The following PID1 variants were observed in gnomAD, a reference collection of about 807,000 sequenced individuals.
The protein encoded by PID1 is phosphotyrosine interaction domain containing 1, also known as PTB-containing, cubilin and LRP1-interacting protein.
PID1 carries 10 observed loss-of-function variants against 19.1 expected under a neutral mutation model. The ratio of observed to expected loss-of-function variants is 0.52; its 90% CI spans 0.32 to 0.89. The LOEUF is 0.89. Ranked by LOEUF, PID1 falls within the 40% of genes least tolerant of loss-of-function variation. The pLI is 0.03. For missense variants in PID1, 248 were observed against 285.3 expected, an observed-to-expected ratio of 0.87 and a Z score of 0.94; for synonymous variants, 130 against 116.0, an observed-to-expected ratio of 1.12 and a Z score of -0.78.
chr2:229,068,617 C>T (rs1310987654), intron 2 of PID1, among the ~76,000 whole-genome samples: 1 of 152,082 alleles, frequency 6.6e-6, no homozygotes, highest in Non-Finnish European at 1.5e-5. Context: ...AGTTGGAGAG[C>T]CTTCTGACTT....
chr2:229,094,778 T>A (rs1694941996), intron 2 of PID1, among the ~76,000 whole-genome samples: 1 of 151,848 alleles, frequency 6.6e-6, no homozygotes, highest in African/African-American at 2.4e-5. Flanking sequence ...TATACAAAAA[T>A]TCCTAAAATA....
At chr2:229,169,879 G>T (rs897727627) in intron 1 of PID1, among the ~76,000 whole-genome samples, 14 of 152,140 alleles carry the variant, frequency 9.2e-5, no homozygotes, top group African/African-American at 3.4e-4. Context: ...TTATTTCACA[G>T]ATGAAGAAAC....
At chr2:229,172,342 T>C (rs777856529) in intron 1 of PID1, among the ~76,000 whole-genome samples, 16 of 152,146 alleles carry the variant, frequency 1.1e-4, no homozygotes, top group African/African-American at 1.7e-4. Context: ...ACAACAGAGT[T>C]ATTGTCTAAC....
chr2:229,135,650 T>C (rs1324286116), intron 2 of PID1, among the ~76,000 whole-genome samples: 1 of 152,176 alleles, frequency 6.6e-6, no homozygotes, highest in East Asian at 1.9e-4. Context: ...AAAACCACTG[T>C]TCAGTACATC....
Position 229,075,408 on chromosome 2 carries a change from A to G in PID1, c.178-49300T>C, listed in dbSNP as rs558944227. Among the ~76,000 whole-genome samples, 4 of 152,326 alleles carry G rather than the reference A, an allele frequency of 2.6e-5. No individual in the cohort carries two copies. The South Asian group carries it at 8.3e-4, about 32-fold the overall frequency. ...GCAGTCACTTTCATATTTTTCACAA[A>G]AGCCTGGCCCATCTGTCATGCCCAC... is the stretch of plus-strand genomic sequence containing the variant. On this transcript the variant is annotated intron_variant, in intron 2 of 2. Transcript: ENST00000392055.
rs1287964613 is a variant in PID1, at chr2:229,026,038, A to G, written c.248T>C (p.Ile83Thr). Residue 83 changes from isoleucine to threonine, a missense_variant, in exon 3 of 3, where the codon ATT (isoleucine) becomes ACT (threonine). Transcript: ENST00000392055. ...TAGCGTGTGCTTCTTCCAGAGCTCAATGACTGGCTTTTCTGTGCAGCCTGA... is the reference window on the plus strand; with the variant it reads ...TAGCGTGTGCTTCTTCCAGAGCTCAGTGACTGGCTTTTCTGTGCAGCCTGA... ...FLSGCTEKPVIELWKKHTLAR... is the reference protein window; with the variant it reads ...FLSGCTEKPVTELWKKHTLAR... 4.3e-6 allele frequency: 7 copies of G among 1,614,228 alleles called. No homozygotes were observed. The highest frequency in any genetic ancestry group is 2.2e-5 in the East Asian group (1 of 44,882).
rs563922098 is a variant in PID1 at position 229,129,181 on chromosome 2, A to G, written c.177+26637T>C. Reference sequence around the variant, plus strand: ...AGCCCCGCTGTCTCCAAAGCCTACCACACTTGTGCTAGTTTCCCACCAGGC... The same window carrying G: ...AGCCCCGCTGTCTCCAAAGCCTACCGCACTTGTGCTAGTTTCCCACCAGGC... On this transcript the variant is annotated intron_variant, in intron 2 of 2. Transcript: ENST00000392055. 1.2e-4 allele frequency among the ~76,000 whole-genome samples: 19 copies of G among 152,188 alleles called. 1 individual carries two copies. Among genetic ancestry groups the G allele is most frequent in the Non-Finnish European group, 2.6e-4 (18 of 68,034 alleles).
At chr2:229,145,153 G>GTA (rs1231692175) in intron 2 of PID1, among the ~76,000 whole-genome samples, 2 of 78,114 alleles carry the variant, frequency 2.6e-5, no homozygotes, top group Non-Finnish European at 2.5e-5. Context: ...ATATATGTAT[G>GTA]TGTATATATA....
intron 2 of PID1, among the ~76,000 whole-genome samples, chr2:229,125,280 A>G (rs1195755297): frequency 6.6e-6 from 1 of 152,146 alleles, no homozygotes. Flanking sequence ...AATGACATGA[A>G]TCAGAGCCCT....
intron 2 of PID1, among the ~76,000 whole-genome samples, chr2:229,070,973 T>G (rs1195881208): frequency 6.6e-6 from 1 of 152,212 alleles, no homozygotes; most frequent in African/African-American, 2.4e-5. Flanking sequence ...CACTAGTACA[T>G]GCTTCACATG....
At chr2:229,098,547 C>T (rs1274053554) in intron 2 of PID1, among the ~76,000 whole-genome samples, 1 of 152,098 alleles carries the variant, frequency 6.6e-6, no homozygotes. Flanking sequence ...GAAACATAGT[C>T]TTTATGTTTA....
intron 1 of PID1, among the ~76,000 whole-genome samples, chr2:229,237,676 T>C (rs1338898445): frequency 6.6e-6 from 1 of 152,154 alleles, no homozygotes; most frequent in East Asian, 1.9e-4. Context: ...TATCCTAACA[T>C]AAATAAGAAA....
intron 1 of PID1, among the ~76,000 whole-genome samples, chr2:229,201,744 C>T (rs950705732): frequency 6.6e-6 from 1 of 152,130 alleles, no homozygotes; most frequent in Admixed American, 6.6e-5. Flanking sequence ...TTCCCACCAA[C>T]AGTGCATCAG....
chr2:229,202,126 T>C lies in PID1; in HGVS notation c.31-46162A>G, dbSNP rs560443263. ...AAACTCTCACAATTCTGGGAATCAA[T>C]TGTCAAACATTTCTTAAAGAGAAAA... On this transcript the variant is annotated intron_variant, in intron 1 of 2. Coordinates refer to ENST00000392055, the MANE Select transcript of PID1 (RefSeq NM_001100818.2). Among the ~76,000 whole-genome samples, 17 of 152,178 alleles carry C rather than the reference T, an allele frequency of 1.1e-4. No individual in the cohort carries two copies. The South Asian group carries it at 1.4e-3, about 13-fold the overall frequency.
rs115437211 is a variant in PID1, at chr2:229,212,877, C to T, written c.31-56913G>A. Among the ~76,000 whole-genome samples, 429 of 152,130 alleles carry T rather than the reference C, an allele frequency of 2.8e-3. 3 individuals carry two copies. Among genetic ancestry groups the T allele is most frequent in the African/African-American group, 9.9e-3 (409 of 41,486 alleles). Reference sequence around the variant, plus strand: ...ATTCCAGCCATTCTCCTGTCCCACACGTCCCGGCTGACCCACCTGAAGTGC... The same window carrying T: ...ATTCCAGCCATTCTCCTGTCCCACATGTCCCGGCTGACCCACCTGAAGTGC... On this transcript the variant is annotated intron_variant, in intron 1 of 2. Coordinates refer to ENST00000392055, the MANE Select transcript of PID1 (RefSeq NM_001100818.2).
intron 2 of PID1, among the ~76,000 whole-genome samples, chr2:229,154,709 A>G (rs1330587467): frequency 2.0e-5 from 3 of 152,260 alleles, no homozygotes; most frequent in Non-Finnish European, 4.4e-5. Flanking sequence ...CTCGAAAGCA[A>G]TAAGGAAAGC....
chr2:229,231,832 CT>C, intron 1 of PID1: 2 of 1,532,366 alleles, frequency 1.3e-6, no homozygotes, highest in Non-Finnish European at 1.8e-6. Context: ...CACTCCTCTT[CT>C]TTTACCTCCT....
intron 1 of PID1, among the ~76,000 whole-genome samples, chr2:229,161,821 G>T (rs1465454975): frequency 6.6e-6 from 1 of 152,208 alleles, no homozygotes; most frequent in African/African-American, 2.4e-5. Flanking sequence ...AGTCCTATAT[G>T]CCATACCCAG....
chr2:229,026,559 G>T (rs908476983), intron 2 of PID1, among the ~76,000 whole-genome samples: 2 of 152,178 alleles, frequency 1.3e-5, no homozygotes, highest in Non-Finnish European at 2.9e-5. Context: ...CTCCTAGCCT[G>T]GGTCTCTTTC....
Sources: gnomAD v4.1 joint callset for allele counts (sites outside exome capture counted in the v4.1 genomes callset) on GRCh38, gnomAD v4.1.1 for gene constraint, MANE v1.5 for transcripts, NCBI Gene and HGNC (gene_info 2026-07-23, HGNC 2026-07-21) for gene names.